BCAS3: variants seen among roughly 807,000 people sequenced by gnomAD.
BCAS3 encodes the protein BCAS3 microtubule associated cell migration factor.
BCAS3 carries 53 observed loss-of-function variants against 116.1 expected under a neutral mutation model. The observed-to-expected ratio is 0.46, with a 90% confidence interval of 0.37 to 0.57. The LOEUF (loss-of-function observed/expected upper bound fraction) is 0.57. BCAS3 is among the 20% of genes least tolerant of loss of function. The pLI is 0.00. For missense variants in BCAS3, 917 were observed against 1,165.4 expected, an observed-to-expected ratio of 0.79 and a Z score of 3.10; for synonymous variants, 391 against 408.2, an observed-to-expected ratio of 0.96 and a Z score of 0.51.
Position 61,026,464 on chromosome 17 carries a change from G to A in BCAS3, c.1638-8202G>A, listed in dbSNP as rs1372971093. On this transcript the variant is annotated intron_variant, in intron 16 of 23. Coordinates refer to ENST00000407086, the MANE Select transcript of BCAS3 (RefSeq NM_017679.5). This position sits in a 1 kb window ranked among gnomAD's most constrained non-coding sequence, Gnocchi z 5.0. ...ATATCAAATTTTTTATCCAGTCATC[G>A]TTAGCTAATTTTAACCATTTTGTGT... is the stretch of plus-strand genomic sequence containing the variant. Among the ~76,000 whole-genome samples, 13 of 151,964 alleles carry A rather than the reference G, an allele frequency of 8.6e-5. No individual in the cohort carries two copies. Among genetic ancestry groups the A allele is most frequent in the South Asian group, 4.2e-4 (2 of 4,818 alleles).
At chr17:60,862,481 A>G (rs1349280463) in intron 7 of BCAS3, among the ~76,000 whole-genome samples, 3 of 152,120 alleles carry the variant, frequency 2.0e-5, no homozygotes, top group Non-Finnish European at 4.4e-5. Context: ...GACAGATACA[A>G]TTTTGGAATT....
intron 22 of BCAS3, among the ~76,000 whole-genome samples, chr17:61,262,781 C>T (rs565669867): frequency 6.6e-6 from 1 of 152,048 alleles, no homozygotes; most frequent in Admixed American, 6.5e-5. Context: ...CAACCTCTGC[C>T]TCCCAGGTTC....
At chr17:60,740,669 A>T (rs1252321953) in intron 5 of BCAS3, among the ~76,000 whole-genome samples, 1 of 151,624 alleles carries the variant, frequency 6.6e-6, no homozygotes, top group East Asian at 1.9e-4. Context: ...TTTTTTTGAG[A>T]GTGTGTGGTG....
rs756034686 is a variant in BCAS3 at position 60,924,509 on chromosome 17, GCT to G, written c.1087+14_1087+15del. On this transcript the variant is annotated intron_variant, in intron 13 of 23. Coordinates refer to ENST00000407086, the MANE Select transcript of BCAS3 (RefSeq NM_017679.5). Reference sequence around the variant, plus strand: ...GGCTTTTAATACAAGTGGTAAGTTCGCTCTCTGTCTTTTTTTTTTTTTTTTTT... The same window carrying G: ...GGCTTTTAATACAAGTGGTAAGTTCGCTCTGTCTTTTTTTTTTTTTTTTTT... 4.8e-4 allele frequency: 746 copies of G among 1,561,350 alleles called. 1 individual carries two copies. Among genetic ancestry groups the G allele is most frequent in the Non-Finnish European group, 5.8e-4 (672 of 1,153,366 alleles).
In BCAS3 at chr17:61,261,687, A is replaced by C. The variant is rs1003575572; in HGVS notation, c.2426-106640A>C. Among the ~76,000 whole-genome samples, 3 of 152,144 alleles carry C rather than the reference A, an allele frequency of 2.0e-5. No individual in the cohort carries two copies. The highest frequency in any genetic ancestry group is 7.2e-5 in the African/African-American group (3 of 41,428). On this transcript the variant is annotated intron_variant, in intron 22 of 23. Transcript: ENST00000407086. This position sits in a 1 kb window ranked among gnomAD's most constrained non-coding sequence, Gnocchi z 4.4. ...CATATACAGGAATTGGTTGAACCTTATTGTTTAAATTAGCTATACCCCAGC... is the reference window on the plus strand; with the variant it reads ...CATATACAGGAATTGGTTGAACCTTCTTGTTTAAATTAGCTATACCCCAGC...
intron 16 of BCAS3, among the ~76,000 whole-genome samples, chr17:61,024,775 A>T (rs2066116953): frequency 1.3e-5 from 2 of 151,918 alleles, no homozygotes; most frequent in Non-Finnish European, 2.9e-5. Flanking sequence ...TGGTCTTTTG[A>T]ATTTTTAGAC....
rs932768286 is a variant in BCAS3 at position 61,048,524 on chromosome 17, G to A, written c.2029+7632G>A. On this transcript the variant is annotated intron_variant, in intron 19 of 23. Transcript: ENST00000407086. Reference sequence around the variant, plus strand: ...GTAAGACCAAAGAAGAGCGGGTGTCGGCAAATTACCATGTGCTTTTATTGT... The same window carrying A: ...GTAAGACCAAAGAAGAGCGGGTGTCAGCAAATTACCATGTGCTTTTATTGT... Among the ~76,000 whole-genome samples the A allele has an allele frequency of 5.3e-5, 8 of 151,854 alleles. No homozygotes were observed. The East Asian group carries it at 7.7e-4, about 15-fold the overall frequency.
intron 22 of BCAS3, among the ~76,000 whole-genome samples, chr17:61,187,068 A>G (rs2079825519): frequency 6.6e-6 from 1 of 152,190 alleles, no homozygotes. Flanking sequence ...GTAGGGGAAA[A>G]AAATGAAGTA....
At position 60,993,254 on chromosome 17, in the gene BCAS3, A is replaced by G. The variant is rs539980031; in HGVS notation, c.1486+3019A>G. On this transcript the variant is annotated intron_variant, in intron 15 of 23. Coordinates refer to ENST00000407086, the MANE Select transcript of BCAS3 (RefSeq NM_017679.5). This position sits in a 1 kb window ranked among gnomAD's most constrained non-coding sequence, Gnocchi z 4.2. ...GTTGAAGGTTGCAAAGTGCCAGTCA[A>G]TGAAGGATTTCATCATTTGTGAAAG... is the stretch of plus-strand genomic sequence containing the variant. 6.6e-6 allele frequency among the ~76,000 whole-genome samples: 1 copy of G among 152,350 alleles called. No individual in the cohort carries two copies. The highest frequency in any genetic ancestry group is 2.4e-5 in the African/African-American group (1 of 41,590).
At chr17:60,828,127 T>G (rs1442642153) in intron 7 of BCAS3, among the ~76,000 whole-genome samples, 1 of 152,086 alleles carries the variant, frequency 6.6e-6, no homozygotes, top group Non-Finnish European at 1.5e-5. Flanking sequence ...GTTGGTCCAG[T>G]CAACTTCAGG....
chr17:60,760,952 T>A (rs934199032), intron 6 of BCAS3, among the ~76,000 whole-genome samples: 1 of 152,098 alleles, frequency 6.6e-6, no homozygotes, highest in Non-Finnish European at 1.5e-5. Context: ...TCAAAAGAAC[T>A]GTCTTCAAGT....
rs2061560943 is a variant in BCAS3 at position 60,964,497 on chromosome 17, T to G, written c.1221+17145T>G. On this transcript the variant is annotated intron_variant, in intron 14 of 23. Coordinates refer to ENST00000407086, the MANE Select transcript of BCAS3 (RefSeq NM_017679.5). This position sits in a 1 kb window ranked among gnomAD's most constrained non-coding sequence, Gnocchi z 4.6. The stretch of plus-strand genomic sequence containing the variant: ...CACGGATATTGGCCTGTAGTTTTCT[T>G]TTCTTGTTGTCGTGTCCTTATCTGA... 6.6e-6 allele frequency among the ~76,000 whole-genome samples: 1 copy of G among 152,188 alleles called. No individual in the cohort carries two copies.
intron 5 of BCAS3, among the ~76,000 whole-genome samples, chr17:60,724,786 TA>T (rs550598581): frequency 0.034 from 4,879 of 143,336 alleles, 229 homozygotes; most frequent in African/African-American, 0.11. Flanking sequence ...TAAGATTCAT[TA>T]AAAAAAAAAA....
chr17:61,305,508 G>C (rs1001768336), intron 22 of BCAS3, among the ~76,000 whole-genome samples: 3 of 152,202 alleles, frequency 2.0e-5, no homozygotes, highest in Non-Finnish European at 4.4e-5. Flanking sequence ...TGTTAAATGT[G>C]CATAATCGTT....
At chr17:61,238,946 C>T (rs189973073) in intron 22 of BCAS3, among the ~76,000 whole-genome samples, 12 of 152,220 alleles carry the variant, frequency 7.9e-5, no homozygotes, top group Admixed American at 7.9e-4. Context: ...TAGCAAAAAT[C>T]GAAATGGATA....
In BCAS3 at chr17:60,709,335, CAT is replaced by C; in HGVS notation, c.321+11_321+12del. On this transcript the variant is annotated intron_variant, in intron 5 of 23. Transcript: ENST00000407086. Reference sequence around the variant, plus strand: ...GGTCTGGAGCATCCCTGTAAGTACACATGTGGTTGAATACCTAAAACATACTT... The same window carrying C: ...GGTCTGGAGCATCCCTGTAAGTACACGTGGTTGAATACCTAAAACATACTT... The C allele has an allele frequency of 1.4e-6, 2 of 1,477,016 alleles. No homozygotes were observed. The highest frequency in any genetic ancestry group is 1.9e-6 in the Non-Finnish European group (2 of 1,058,470). The allele number at this position is 1,477,016 out of a possible 1,614,324, so 91.5% of individuals were successfully genotyped here. A position where few individuals can be genotyped will look rare whatever the true frequency, so the allele number is the denominator to read the frequency against.
chr17:61,230,959 C>CTTTTTTTTTT (rs763299746), intron 22 of BCAS3, among the ~76,000 whole-genome samples: 5 of 121,854 alleles, frequency 4.1e-5, no homozygotes, highest in Admixed American at 8.5e-5. Context: ...TAGTTTTTGC[C>CTTTTTTTTTT]TTTTTTTTTT....
chr17:61,007,184 T>A lies in BCAS3; in HGVS notation c.1487-8567T>A, dbSNP rs1188402851. ...AATTCCTCACAGCTAGTTCTATTATTTTTCCCTTTGTGTTCTTGCATTTTA... is the reference window on the plus strand; with the variant it reads ...AATTCCTCACAGCTAGTTCTATTATATTTCCCTTTGTGTTCTTGCATTTTA... On this transcript the variant is annotated intron_variant, in intron 15 of 23. Coordinates refer to ENST00000407086, the MANE Select transcript of BCAS3 (RefSeq NM_017679.5). The surrounding 1 kb of genome is among the most constrained non-coding windows in gnomAD (Gnocchi z 4.3). Among the ~76,000 whole-genome samples the A allele has an allele frequency of 6.6e-6, 1 of 152,064 alleles. No individual in the cohort carries two copies. The highest frequency in any genetic ancestry group is 1.5e-5 in the Non-Finnish European group (1 of 67,978).
chr17:61,385,677 C>T (rs1002107033), intron 23 of BCAS3, among the ~76,000 whole-genome samples: 2 of 152,322 alleles, frequency 1.3e-5, no homozygotes, highest in Non-Finnish European at 2.9e-5. Flanking sequence ...CGAAGCCATC[C>T]GCTCCCCTGG....
Sources: gnomAD v4.1 joint callset for allele counts (sites outside exome capture counted in the v4.1 genomes callset) on GRCh38, gnomAD v4.1.1 for gene constraint, Gnocchi (gnomAD v3.1) non-coding constraint, MANE v1.5 for transcripts, NCBI Gene and HGNC (gene_info 2026-07-23, HGNC 2026-07-21) for gene names.